CTNNA3: variants seen among roughly 807,000 people sequenced by gnomAD.
CTNNA3 encodes the protein catenin alpha 3.
A neutral mutation model predicts 95.7 loss-of-function variants in CTNNA3; 76 were observed. The ratio of observed to expected loss-of-function variants is 0.79; its 90% confidence interval spans 0.66 to 0.96. The LOEUF (loss-of-function observed/expected upper bound fraction) is 0.96, where lower values mean the gene tolerates loss of function less well. CTNNA3 is among the 40% of genes least tolerant of loss of function. The pLI is 0.00. For missense variants in CTNNA3, 1,191 were observed against 1,089.8 expected (o/e 1.09, Z -1.31); for synonymous variants, 431 against 374.4 (o/e 1.15, Z -1.74).
intron 5 of CTNNA3, among the ~76,000 whole-genome samples, chr10:67,304,324 C>T (rs1840450907): frequency 6.6e-6 from 1 of 152,200 alleles, no homozygotes; most frequent in Non-Finnish European, 1.5e-5. Context: ...AGTACATACA[C>T]AAGAATAAGA....
chr10:66,780,182 C>T (rs572519038), intron 7 of CTNNA3, among the ~76,000 whole-genome samples: 7 of 152,140 alleles, frequency 4.6e-5, no homozygotes, highest in South Asian at 2.1e-4. Flanking sequence ...ATGAGCTTAA[C>T]CCTATAGACA....
At chr10:66,536,723 AAG>A (rs757718268) in intron 10 of CTNNA3, among the ~76,000 whole-genome samples, 6 of 152,094 alleles carry the variant, frequency 3.9e-5, no homozygotes, top group Non-Finnish European at 5.9e-5. Context: ...AGTAGCCTGA[AAG>A]TAACATGATG....
intron 12 of CTNNA3, among the ~76,000 whole-genome samples, chr10:66,302,285 CA>C (rs761052471): frequency 1.3e-5 from 2 of 151,956 alleles, no homozygotes; most frequent in Non-Finnish European, 2.9e-5. Flanking sequence ...CAATCCCTAT[CA>C]AAATTCCAGC....
intron 11 of CTNNA3, among the ~76,000 whole-genome samples, chr10:66,409,980 C>T (rs973548571): frequency 6.6e-6 from 1 of 152,158 alleles, no homozygotes; most frequent in Non-Finnish European, 1.5e-5. Context: ...CTACCAGTTG[C>T]GTTTTCTACT....
rs376910820 is a variant in CTNNA3, at chr10:66,905,740, C to T, written c.1048-130216G>A. 5.7e-4 allele frequency among the ~76,000 whole-genome samples: 86 copies of T among 152,168 alleles called. No homozygotes were observed. The East Asian group carries it at 0.013, about 23-fold the overall frequency. ...ATTACGCTAAGTGAAATAAGCCAGT[C>T]ATGGAAGGACAAATACATAATTTCA... On this transcript the variant is annotated intron_variant, in intron 7 of 17. Transcript: ENST00000433211.
chr10:66,852,956 T>C (rs1019804576), intron 7 of CTNNA3, among the ~76,000 whole-genome samples: 9 of 152,150 alleles, frequency 5.9e-5, no homozygotes, highest in African/African-American at 1.2e-4. Context: ...CTTTGAGAGC[T>C]ATAGTTAGAG....
intron 7 of CTNNA3, among the ~76,000 whole-genome samples, chr10:66,969,548 A>C (rs2132818762): frequency 6.6e-6 from 1 of 152,288 alleles, no homozygotes; most frequent in South Asian, 2.1e-4. Context: ...CTGCATCAAA[A>C]GGACAGATTT....
intron 7 of CTNNA3, among the ~76,000 whole-genome samples, chr10:66,966,535 A>C (rs910365085): frequency 6.6e-6 from 1 of 152,140 alleles, no homozygotes; most frequent in African/African-American, 2.4e-5. Context: ...AATAGCTAAA[A>C]ATGAGCTATC....
rs184062495 is a variant in CTNNA3 at position 66,908,156 on chromosome 10, C to T, written c.1048-132632G>A. 3.1e-4 allele frequency among the ~76,000 whole-genome samples: 47 copies of T among 152,272 alleles called. No individual in the cohort carries two copies. The East Asian group carries it at 3.9e-3, about 13-fold the overall frequency. ...CTACTTGGCATAACTGAGTAAGACA[C>T]CTAATTTTCCAGTGGGAAAAGACCA... On this transcript the variant is annotated intron_variant, in intron 7 of 17. Coordinates refer to ENST00000433211, the MANE Select transcript of CTNNA3 (RefSeq NM_013266.4).
At chr10:67,180,997 T>C (rs1432743034) in intron 6 of CTNNA3, among the ~76,000 whole-genome samples, 2 of 152,144 alleles carry the variant, frequency 1.3e-5, no homozygotes, top group African/African-American at 4.8e-5. Context: ...GGCAGCAAAG[T>C]ATTAATAACT....
At chr10:66,644,292 G>GTC (rs71035159) in intron 9 of CTNNA3, among the ~76,000 whole-genome samples, 68 of 78,756 alleles carry the variant, frequency 8.6e-4, no homozygotes, top group South Asian at 3.1e-3. Context: ...CTGTCTGTCT[G>GTC]TCTCTCTCTC....
chr10:66,992,056 A>C lies in CTNNA3; in HGVS notation c.1047+188261T>G, dbSNP rs909465129. Among the ~76,000 whole-genome samples the C allele has an allele frequency of 4.9e-4, 75 of 152,238 alleles. 1 individual carries two copies. The highest frequency in any genetic ancestry group is 1.6e-3 in the African/African-American group (68 of 41,564). ...TGTATGTCTCTTTGTGAACGTCAAC[A>C]ATTAGGATATGGACTTCCTCAGCCT... On this transcript the variant is annotated intron_variant, in intron 7 of 17. Coordinates refer to ENST00000433211, the MANE Select transcript of CTNNA3 (RefSeq NM_013266.4).
chr10:67,472,374 T>A (rs1428534544), intron 5 of CTNNA3, among the ~76,000 whole-genome samples: 1 of 152,102 alleles, frequency 6.6e-6, no homozygotes, highest in East Asian at 1.9e-4. Context: ...TCACAAGACA[T>A]CACTGGTAAA....
At chr10:66,748,965 G>C (rs1246486176) in intron 9 of CTNNA3, among the ~76,000 whole-genome samples, 2 of 151,158 alleles carry the variant, frequency 1.3e-5, no homozygotes, top group African/African-American at 4.9e-5. Flanking sequence ...CTGAGATCAG[G>C]AGTTCAAGAC....
chr10:67,656,442 A>G (rs1339655300), intron 1 of CTNNA3, among the ~76,000 whole-genome samples: 2 of 152,210 alleles, frequency 1.3e-5, no homozygotes. Flanking sequence ...TCATTCATTT[A>G]TTCATTCTTT....
chr10:66,706,468 G>A (rs1461266320), intron 9 of CTNNA3, among the ~76,000 whole-genome samples: 1 of 151,122 alleles, frequency 6.6e-6, no homozygotes, highest in African/African-American at 2.4e-5. Flanking sequence ...TCCAAAGACA[G>A]CAATTTCTCT....
At chr10:67,674,846 T>G (rs1840506668) in intron 1 of CTNNA3, among the ~76,000 whole-genome samples, 1 of 152,162 alleles carries the variant, frequency 6.6e-6, no homozygotes, top group Admixed American at 6.6e-5. Context: ...AAATATAATC[T>G]TTTGTCAGTA....
chr10:65,990,624 C>A (rs1161378026), intron 15 of CTNNA3, among the ~76,000 whole-genome samples: 2 of 150,772 alleles, frequency 1.3e-5, no homozygotes, highest in African/African-American at 4.9e-5. Context: ...ATTCTCTGAA[C>A]TTTAGGCCCT....
chr10:67,009,768 C>G (rs4353167), intron 7 of CTNNA3, among the ~76,000 whole-genome samples: 7,402 of 152,178 alleles, frequency 0.049, 263 homozygotes, highest in Middle Eastern at 0.075. Flanking sequence ...TACTCCATTC[C>G]TCTGTCACCA....
Sources: gnomAD v4.1 joint callset for allele counts (sites outside exome capture counted in the v4.1 genomes callset) on GRCh38, gnomAD v4.1.1 for gene constraint, MANE v1.5 for transcripts, NCBI Gene and HGNC (gene_info 2026-07-23, HGNC 2026-07-21) for gene names.